Variants in FOXP1 observed in about 807,000 individuals in gnomAD.
The protein encoded by FOXP1 is forkhead box protein P1.
A neutral mutation model predicts 98.2 loss-of-function variants in FOXP1; 15 were observed. The ratio of observed to expected loss-of-function variants is 0.15; its 90% CI spans 0.10 to 0.24. The LOEUF (loss-of-function observed/expected upper bound fraction) is 0.24. Ranked by LOEUF, FOXP1 falls within the 10% of genes least tolerant of loss-of-function variation. FOXP1 has a pLI of 1.00. For synonymous variants in FOXP1, 371 were observed against 314.5 expected, an observed-to-expected ratio of 1.18 and a Z score of -1.90; for missense variants, 633 against 848.5, an observed-to-expected ratio of 0.75 and a Z score of 3.15.
At chr3:71,449,733 G>A (rs1452986261) in intron 3 of FOXP1, among the ~76,000 whole-genome samples, 1 of 152,190 alleles carries the variant, frequency 6.6e-6, no homozygotes, top group East Asian at 1.9e-4. Flanking sequence ...ATGAATAGGG[G>A]TCACTTACTG....
At chr3:71,039,496 C>A (rs529499401) in intron 11 of FOXP1, among the ~76,000 whole-genome samples, 4 of 152,086 alleles carry the variant, frequency 2.6e-5, no homozygotes, top group Non-Finnish European at 5.9e-5. Context: ...CTGAGCACAG[C>A]GCATCTAAAC....
At chr3:71,351,385 C>T (rs1210157762) in intron 4 of FOXP1, among the ~76,000 whole-genome samples, 1 of 152,222 alleles carries the variant, frequency 6.6e-6, no homozygotes, top group Non-Finnish European at 1.5e-5. Flanking sequence ...TAGAAGTGGG[C>T]TGTCTGCTCT....
At chr3:71,402,604 T>C (rs568170162) in intron 3 of FOXP1, among the ~76,000 whole-genome samples, 5 of 152,288 alleles carry the variant, frequency 3.3e-5, no homozygotes, top group African/African-American at 1.2e-4. Flanking sequence ...CCTGAATAAA[T>C]TCAGCATGAA....
intron 4 of FOXP1, among the ~76,000 whole-genome samples, chr3:71,306,564 C>A (rs866393943): frequency 7.9e-6 from 1 of 126,852 alleles, no homozygotes; most frequent in South Asian, 2.6e-4. Context: ...TATACACACA[C>A]ATATATATAT....
chr3:71,208,708 A>T (rs979333080), intron 5 of FOXP1, among the ~76,000 whole-genome samples: 10 of 152,162 alleles, frequency 6.6e-5, no homozygotes, highest in Admixed American at 2.0e-4. Flanking sequence ...TTACAAGAGC[A>T]ATTTAACATT....
chr3:71,238,009 C>T (rs991246323), intron 5 of FOXP1, among the ~76,000 whole-genome samples: 8 of 152,268 alleles, frequency 5.3e-5, no homozygotes, highest in South Asian at 2.1e-4. Context: ...TTACTTAAGG[C>T]GCACATTTAG....
At chr3:71,457,109 C>T (rs751238064) in intron 3 of FOXP1, among the ~76,000 whole-genome samples, 38 of 151,426 alleles carry the variant, frequency 2.5e-4, no homozygotes, top group Non-Finnish European at 4.7e-4. Context: ...CTAATCCTCA[C>T]TATGAAACTT....
chr3:71,141,926 CAAG>C (rs1560013101), intron 6 of FOXP1, among the ~76,000 whole-genome samples: 1 of 152,158 alleles, frequency 6.6e-6, no homozygotes, highest in Non-Finnish European at 1.5e-5. Context: ...AAAGAAGGTT[CAAG>C]AAGATGGAGC....
At chr3:71,232,836 T>C (rs1040404554) in intron 5 of FOXP1, among the ~76,000 whole-genome samples, 2 of 122,694 alleles carry the variant, frequency 1.6e-5, no homozygotes, top group African/African-American at 6.3e-5. Context: ...CAATGGAAGT[T>C]ATAACGAGCT....
At chr3:71,290,129 C>T (rs1170491192) in intron 5 of FOXP1, among the ~76,000 whole-genome samples, 4 of 152,160 alleles carry the variant, frequency 2.6e-5, no homozygotes, top group South Asian at 2.1e-4. Flanking sequence ...TCTACAACTA[C>T]ATTCCTGGTC....
At position 71,057,291 on chromosome 3, in the gene FOXP1, CTTTTTTTTTTTTTTTTTTTTTT is replaced by C. The variant is rs10670020; in HGVS notation, c.283-3540_283-3519del. ...TTAAAAGTATTCAGTAAAAACGAAA[CTTTTTTTTTTTTTTTTTTTTTT>C]TTTTTTTTTTTTTTCAGATTTCATG... On this transcript the variant is annotated intron_variant, in intron 7 of 20. Transcript: ENST00000649528. Among the ~76,000 whole-genome samples the C allele has an allele frequency of 3.7e-3, 28 of 7,490 alleles. No homozygotes were observed. In the South Asian group the frequency reaches 0.12, roughly 33 times the overall value. 4.9% of individuals were successfully genotyped at this position (7,490 alleles called of 152,430 possible).
chr3:70,995,536 T>C (rs753252727), intron 13 of FOXP1, among the ~76,000 whole-genome samples: 21 of 152,218 alleles, frequency 1.4e-4, no homozygotes, highest in Non-Finnish European at 1.5e-5. Flanking sequence ...GCCATGTATG[T>C]CATCGACCCA....
intron 6 of FOXP1, among the ~76,000 whole-genome samples, chr3:71,172,814 C>T (rs1399448046): frequency 1.3e-5 from 2 of 152,174 alleles, no homozygotes; most frequent in East Asian, 3.9e-4. Context: ...TAAAGGGCTG[C>T]CCTGCCCACT....
chr3:71,491,738 T>G (rs2091075449), intron 3 of FOXP1, among the ~76,000 whole-genome samples: 1 of 152,188 alleles, frequency 6.6e-6, no homozygotes, highest in Non-Finnish European at 1.5e-5. Context: ...TGGTCTCTAA[T>G]ATTTGAGCCG....
intron 5 of FOXP1, among the ~76,000 whole-genome samples, chr3:71,282,291 G>T (rs1030803620): frequency 1.3e-5 from 2 of 151,456 alleles, no homozygotes; most frequent in Non-Finnish European, 2.9e-5. Flanking sequence ...TTCTATTTTG[G>T]GCCAAAAGAC....
chr3:71,281,231 A>C (rs1157033987), intron 5 of FOXP1, among the ~76,000 whole-genome samples: 4 of 100,344 alleles, frequency 4.0e-5, no homozygotes, highest in African/African-American at 1.8e-4. Context: ...CCATCTCAAG[A>C]TAAAAATTTT....
intron 6 of FOXP1, among the ~76,000 whole-genome samples, chr3:71,157,455 A>G (rs2060880504): frequency 6.6e-6 from 1 of 152,250 alleles, no homozygotes; most frequent in Non-Finnish European, 1.5e-5. Flanking sequence ...TTACCGACAT[A>G]CCTGCCCCAC....
chr3:71,436,207 A>G (rs1244718739), intron 3 of FOXP1, among the ~76,000 whole-genome samples: 2 of 151,978 alleles, frequency 1.3e-5, no homozygotes, highest in African/African-American at 2.4e-5. Context: ...TCCCCGCAAC[A>G]GCCCCTGCCA....
At chr3:71,289,018 T>TATTTA (rs1229233981) in intron 5 of FOXP1, among the ~76,000 whole-genome samples, 2 of 105,934 alleles carry the variant, frequency 1.9e-5, no homozygotes, top group Non-Finnish European at 4.2e-5. Context: ...ACAACTCTCT[T>TATTTA]CTTATTTATT....
Sources: gnomAD v4.1 joint callset for allele counts (sites outside exome capture counted in the v4.1 genomes callset) on GRCh38, gnomAD v4.1.1 for gene constraint, MANE v1.5 for transcripts, NCBI Gene and HGNC (gene_info 2026-07-23, HGNC 2026-07-21) for gene names.